AUH: variants seen among roughly 807,000 people sequenced by gnomAD.
AUH encodes the protein AU RNA binding methylglutaconyl-CoA hydratase.
In AUH, 29 loss-of-function variants were observed where a neutral mutation model predicts 42.3. The observed-to-expected ratio is 0.69, with a 90% CI of 0.51 to 0.93. The LOEUF is 0.93. Ranked by LOEUF, AUH falls within the 40% of genes least tolerant of loss-of-function variation. The pLI, the probability that AUH is intolerant of heterozygous loss-of-function variation, is 0.00. For missense variants in AUH, 452 were observed against 438.1 expected (o/e 1.03, Z -0.28); for synonymous variants, 174 against 166.4 (o/e 1.05, Z -0.35).
intron 6 of AUH, among the ~76,000 whole-genome samples, chr9:91,278,574 T>C (rs949313307): frequency 6.6e-6 from 1 of 152,214 alleles, no homozygotes; most frequent in African/African-American, 2.4e-5. Flanking sequence ...TTGGCGCGAT[T>C]TCAACGAATG....
chr9:91,319,620 G>A (rs559921453), intron 4 of AUH, among the ~76,000 whole-genome samples: 1 of 152,320 alleles, frequency 6.6e-6, no homozygotes, highest in East Asian at 1.9e-4. Flanking sequence ...TGAGCACTGA[G>A]GCAAAATGGC....
At chr9:91,334,172 T>A (rs543182478) in intron 3 of AUH, among the ~76,000 whole-genome samples, 1 of 152,156 alleles carries the variant, frequency 6.6e-6, no homozygotes, top group Admixed American at 6.5e-5. Context: ...TGGCTGCACA[T>A]CCACACACTG....
At chr9:91,289,426 C>G (rs1307989516) in intron 6 of AUH, among the ~76,000 whole-genome samples, 1 of 152,210 alleles carries the variant, frequency 6.6e-6, no homozygotes, top group African/African-American at 2.4e-5. Context: ...TACAGTGGAG[C>G]AAGGCTCACT....
At chr9:91,352,618 C>T (rs1226524467) in intron 3 of AUH, among the ~76,000 whole-genome samples, 2 of 152,102 alleles carry the variant, frequency 1.3e-5, no homozygotes, top group Non-Finnish European at 2.9e-5. Context: ...CTTGGCCCAA[C>T]CTCCAATGCA....
chr9:91,236,214 A>AT (rs780630515), intron 6 of AUH, among the ~76,000 whole-genome samples: 15 of 82,378 alleles, frequency 1.8e-4, no homozygotes, highest in African/African-American at 6.8e-4. Flanking sequence ...TAGCATGATT[A>AT]TTTTTTCCAT....
chr9:91,301,233 C>T (rs1337422635), intron 4 of AUH, among the ~76,000 whole-genome samples: 4 of 152,156 alleles, frequency 2.6e-5, no homozygotes, highest in African/African-American at 9.7e-5. Flanking sequence ...GTGCTGAAGT[C>T]ACTCAGCAAG....
At chr9:91,286,879 CA>C (rs1483483128) in intron 6 of AUH, among the ~76,000 whole-genome samples, 3 of 152,014 alleles carry the variant, frequency 2.0e-5, no homozygotes, top group Non-Finnish European at 4.4e-5. Flanking sequence ...ATGGTGACCA[CA>C]GGTAATGATA....
intron 3 of AUH, among the ~76,000 whole-genome samples, chr9:91,333,771 T>C (rs1259996133): frequency 1.3e-5 from 2 of 152,236 alleles, no homozygotes; most frequent in African/African-American, 4.8e-5. Flanking sequence ...CCAACAATTC[T>C]AGTAAACTGT....
chr9:91,215,356 A>G lies in AUH; in HGVS notation c.942+703T>C, dbSNP rs551039688. On this transcript the variant is annotated intron_variant, in intron 9 of 9. Coordinates refer to ENST00000375731, the MANE Select transcript of AUH (RefSeq NM_001698.3). ...TGCTCAAGTCCCTTATATATTAATA[A>G]AATTGCATATCATATTACCTACGCA... Among the ~76,000 whole-genome samples, 49 of 152,314 alleles carry G rather than the reference A, an allele frequency of 3.2e-4. No homozygotes were observed. The Middle Eastern group carries it at 0.01, about 32-fold the overall frequency.
chr9:91,312,503 G>C lies in AUH; in HGVS notation c.505+12815C>G, dbSNP rs553551021. On this transcript the variant is annotated intron_variant, in intron 4 of 9. Transcript: ENST00000375731. ...AGCACTTTAGGAGGCCAAGGTGGGG[G>C]TATCACTTGAGGCCAGGAGTTCAAG... Among the ~76,000 whole-genome samples the C allele has an allele frequency of 3.9e-5, 6 of 152,302 alleles. 1 individual carries two copies. The highest frequency in any genetic ancestry group is 1.2e-4 in the African/African-American group (5 of 41,586).
At chr9:91,294,933 T>C (rs1827197579) in intron 6 of AUH, 2 of 362,924 alleles carry the variant, frequency 5.5e-6, no homozygotes, top group Admixed American at 6.6e-5. Context: ...GGTTTGGCTG[T>C]GTCCCCACCC....
In AUH at chr9:91,326,571, T is replaced by C. The variant is rs1186949796; in HGVS notation, c.419-1167A>G. On this transcript the variant is annotated intron_variant, in intron 3 of 9. Transcript: ENST00000375731. ...CCAATGAATAATATTATTGAAAAAG[T>C]ATTAATTACAGAAAGATACACAGGA... Among the ~76,000 whole-genome samples, 4 of 152,232 alleles carry C rather than the reference T, an allele frequency of 2.6e-5. No individual in the cohort carries two copies. The East Asian group carries it at 7.7e-4, about 29-fold the overall frequency.
chr9:91,292,869 G>C (rs1376541255), intron 6 of AUH, among the ~76,000 whole-genome samples: 1 of 151,966 alleles, frequency 6.6e-6, no homozygotes, highest in Non-Finnish European at 1.5e-5. Context: ...TGGTAACCCT[G>C]CATCAAGCAA....
chr9:91,295,201 T>C (rs917162118), intron 6 of AUH, among the ~76,000 whole-genome samples: 1 of 152,202 alleles, frequency 6.6e-6, no homozygotes, highest in African/African-American at 2.4e-5. Flanking sequence ...TCCCCAGCCA[T>C]GTAGAACTGT....
In AUH at chr9:91,313,726, A is replaced by AG. The variant is rs1413574539; in HGVS notation, c.505+11591_505+11592insC. ...GACTCCGTCTCAAAAAAAAAAAAAA[A>AG]AAAAAGAAAATGAACAAACTTTATG... On this transcript the variant is annotated intron_variant, in intron 4 of 9. Coordinates refer to ENST00000375731, the MANE Select transcript of AUH (RefSeq NM_001698.3). Among the ~76,000 whole-genome samples the AG allele has an allele frequency of 1.9e-4, 29 of 151,560 alleles. No individual in the cohort carries two copies. The East Asian group carries it at 3.7e-3, about 19-fold the overall frequency.
intron 5 of AUH, 122 bp from the exon 6 acceptor site, chr9:91,296,199 TA>T (rs564754267): frequency 3.5e-5 from 35 of 1,014,204 alleles, no homozygotes; most frequent in Non-Finnish European, 4.7e-5. Flanking sequence ...CACAAATTCT[TA>T]AAAAAAATCA....
rs1221454445 is a variant in AUH at position 91,220,900 on chromosome 9, C to A, written c.748G>T (p.Ala250Ser). Residue 250 changes from alanine to serine, a missense_variant, in exon 7 of 10, where the codon GCA (alanine) becomes TCA (serine). Coordinates refer to ENST00000375731, the MANE Select transcript of AUH (RefSeq NM_001698.3). ...AGAACGTGGCTGATTAAGCCCACTG[C>A]TTTGGCTTCTTTGCCATCGAGGACT... ...ARVLDGKEAK[A>S]VGLISHVLEQ... 6.2e-7 allele frequency: 1 copy of A among 1,614,262 alleles called. No homozygotes were observed. The highest frequency in any genetic ancestry group is 8.5e-7 in the Non-Finnish European group (1 of 1,180,052).
chr9:91,309,997 C>T (rs868707217), intron 4 of AUH, among the ~76,000 whole-genome samples: 2 of 152,092 alleles, frequency 1.3e-5, no homozygotes, highest in Non-Finnish European at 1.5e-5. Context: ...CTTCACATAG[C>T]ATTAACATTC....
chr9:91,222,735 T>A (rs1827204114), intron 6 of AUH, among the ~76,000 whole-genome samples: 1 of 152,190 alleles, frequency 6.6e-6, no homozygotes, highest in African/African-American at 2.4e-5. Context: ...TATTTACTCA[T>A]GGAGCTGATG....
Sources: gnomAD v4.1 joint callset for allele counts (sites outside exome capture counted in the v4.1 genomes callset) on GRCh38, gnomAD v4.1.1 for gene constraint, MANE v1.5 for transcripts, NCBI Gene and HGNC (gene_info 2026-07-23, HGNC 2026-07-21) for gene names.